PLXNC1: variants seen among roughly 807,000 people sequenced by gnomAD.
The protein encoded by PLXNC1 is plexin-C1.
PLXNC1 carries 75 observed loss-of-function variants against 178.2 expected under a neutral mutation model. The observed-to-expected ratio is 0.42, with a 90% CI of 0.35 to 0.51. The LOEUF (loss-of-function observed/expected upper bound fraction) is 0.51, where lower values mean the gene tolerates loss of function less well. Ranked by LOEUF, PLXNC1 falls within the 20% of genes least tolerant of loss-of-function variation. The pLI is 0.02. For missense variants in PLXNC1, 1,503 were observed against 1,984.4 expected (o/e 0.76, Z 4.61); for synonymous variants, 790 against 779.9 (o/e 1.01, Z -0.22).
intron 21 of PLXNC1, among the ~76,000 whole-genome samples, chr12:94,269,850 G>T (rs1004339787): frequency 6.6e-6 from 1 of 152,172 alleles, no homozygotes; most frequent in Non-Finnish European, 1.5e-5. Flanking sequence ...TGATCAAAGA[G>T]TGAAACCACT....
At chr12:94,267,655 C>T (rs1228082966) in intron 21 of PLXNC1, among the ~76,000 whole-genome samples, 2 of 152,188 alleles carry the variant, frequency 1.3e-5, no homozygotes, top group Middle Eastern at 3.2e-3. Flanking sequence ...GGGCCTGGCC[C>T]AGCCCCCCTT....
Position 94,227,247 on chromosome 12 carries a change from T to G in PLXNC1, c.1980+12T>G, listed in dbSNP as rs1214618361. On this transcript the variant is annotated intron_variant, in intron 9 of 30. Transcript: ENST00000258526. ...ACCAGGCTTTACAGGTCAGACCCTA[T>G]TTTTGTGTGGTTGAGGGGAAAACCT... The G allele has an allele frequency of 1.9e-6, 3 of 1,553,106 alleles. No individual in the cohort carries two copies. Among genetic ancestry groups the G allele is most frequent in the Non-Finnish European group, 1.8e-6 (2 of 1,124,772 alleles).
intron 17 of PLXNC1, chr12:94,256,399 G>A (rs914408412): frequency 2.0e-5 from 3 of 152,164 alleles, no homozygotes; most frequent in African/African-American, 7.2e-5. Context: ...CCAAGCCTTA[G>A]TGTTATAAAT....
intron 23 of PLXNC1, among the ~76,000 whole-genome samples, chr12:94,285,166 C>A (rs767874385): frequency 1.3e-5 from 2 of 152,146 alleles, no homozygotes; most frequent in Non-Finnish European, 2.9e-5. Flanking sequence ...CTAGAGAAGA[C>A]AGGAGGAGGA....
chr12:94,218,049 C>G (rs112213435), intron 5 of PLXNC1, among the ~76,000 whole-genome samples: 1 of 152,108 alleles, frequency 6.6e-6, no homozygotes, highest in Non-Finnish European at 1.5e-5. Flanking sequence ...CTTGTTATAA[C>G]GTTTGAGTGT....
chr12:94,302,734 C>A (rs1968587512), intron 28 of PLXNC1, among the ~76,000 whole-genome samples: 1 of 152,068 alleles, frequency 6.6e-6, no homozygotes. Flanking sequence ...CTGATTTGTC[C>A]AACTCTTTCT....
intron 15 of PLXNC1, among the ~76,000 whole-genome samples, chr12:94,252,199 C>A: frequency 6.6e-6 from 1 of 152,138 alleles, no homozygotes. Flanking sequence ...GTTATTTCAT[C>A]TTGACCACCC....
chr12:94,303,981 A>G lies in PLXNC1; in HGVS notation c.4532A>G (p.His1511Arg). The G allele has an allele frequency of 6.2e-7, 1 of 1,604,514 alleles. No individual in the cohort carries two copies. The highest frequency in any genetic ancestry group is 8.5e-7 in the Non-Finnish European group (1 of 1,172,016). ...CTCAACAAGTCTTTCTTTTAGAAACATGAAAATGAATTTAATGAAGAAGTG... is the reference window on the plus strand; with the variant it reads ...CTCAACAAGTCTTTCTTTTAGAAACGTGAAAATGAATTTAATGAAGAAGTG... ...EEFLTQESKK[H>R]ENEFNEEVAL... The change falls in exon 30 of 31, where the codon CAT becomes CGT. Residue 1511 changes from histidine to arginine, a missense_variant. Physicochemically the swap from His to Arg is conservative, Grantham distance 29. Around this residue, in one of 4 missense-constraint regions of PLXNC1, gnomAD observed 639 missense variants for 979.7 expected, o/e 0.65. Transcript: ENST00000258526.
chr12:94,156,109 T>A (rs1428516289), intron 1 of PLXNC1, among the ~76,000 whole-genome samples: 3 of 152,218 alleles, frequency 2.0e-5, no homozygotes, highest in African/African-American at 7.2e-5. Context: ...TAAATAGTGA[T>A]CCTCTTGGTT....
intron 2 of PLXNC1, among the ~76,000 whole-genome samples, chr12:94,177,215 GTGTGTATATATATACATATA>G (rs1565794494): frequency 3.5e-5 from 2 of 56,388 alleles, no homozygotes; most frequent in African/African-American, 2.7e-4. Flanking sequence ...ATATATATGT[GTGTGTATATATATACATATA>G]TATATATATA....
rs67648319 is a variant in PLXNC1, at chr12:94,303,749, T to TCC, written c.4387-4_4387-3dup. ...GATGGTTGCTTTTTTTTTTTTTTTT[T>TCC]CCCCAGGAAGCACCAACTAATAAGC... On this transcript the variant is annotated splice_polypyrimidine_tract_variant and splice_region_variant and intron_variant, in intron 28 of 30. Coordinates refer to ENST00000258526, the MANE Select transcript of PLXNC1 (RefSeq NM_005761.3). 262 of 1,344,566 alleles carry TCC rather than the reference T, an allele frequency of 1.9e-4. No homozygotes were observed. Among genetic ancestry groups the TCC allele is most frequent in the African/African-American group, 1.9e-3 (120 of 62,920 alleles). 83.3% of individuals were successfully genotyped at this position (1,344,566 alleles called of 1,614,324 possible).
At position 94,224,288 on chromosome 12, in the gene PLXNC1, A is replaced by G. The variant is rs1344392186; in HGVS notation, c.1763A>G (p.Asn588Ser). ...TCTTGGAATTTATCAGACAGATTCAACTTTACCAACTGCTCATCATTAAAA... is the reference window on the plus strand; with the variant it reads ...TCTTGGAATTTATCAGACAGATTCAGCTTTACCAACTGCTCATCATTAAAA... ...FGSWNLSDRF[N>S]FTNCSSLKEC... Residue 588 changes from asparagine (N) to serine (S), a missense_variant, in exon 7 of 31, where the codon AAC becomes AGC. Transcript: ENST00000258526. 1 of 1,568,114 alleles carries G rather than the reference A, an allele frequency of 6.4e-7. No individual in the cohort carries two copies.
At chr12:94,266,858 T>C (rs1231743200) in intron 21 of PLXNC1, among the ~76,000 whole-genome samples, 1 of 152,248 alleles carries the variant, frequency 6.6e-6, no homozygotes, top group Non-Finnish European at 1.5e-5. Context: ...CAGATCTCAT[T>C]GAACCCTTGT....
At chr12:94,235,547 GA>G (rs1592794128) in intron 9 of PLXNC1, among the ~76,000 whole-genome samples, 1 of 151,830 alleles carries the variant, frequency 6.6e-6, no homozygotes, top group South Asian at 2.1e-4. Context: ...CATAAAAAAA[GA>G]AAAAAAATTC....
intron 5 of PLXNC1, among the ~76,000 whole-genome samples, chr12:94,216,768 G>A (rs1469983639): frequency 1.3e-5 from 2 of 152,162 alleles, no homozygotes; most frequent in Non-Finnish European, 2.9e-5. Context: ...AAGATATGTC[G>A]ATCTGATAAG....
intron 21 of PLXNC1, among the ~76,000 whole-genome samples, chr12:94,269,071 A>G (rs928913005): frequency 5.3e-5 from 8 of 152,180 alleles, no homozygotes; most frequent in African/African-American, 1.9e-4. Context: ...CATTTGCTTC[A>G]CTTTCAGGAA....
Position 94,169,189 on chromosome 12 carries a change from G to T in PLXNC1, c.1099G>T (p.Ala367Ser), listed in dbSNP as rs779819475. The change falls in exon 2 of 31, where the codon GCA becomes TCA. Residue 367 changes from alanine (A) to serine (S), a missense_variant. Physicochemically the swap from Ala to Ser is moderately conservative, Grantham distance 99 (BLOSUM62 1). Around this residue, in one of 4 missense-constraint regions of PLXNC1, gnomAD observed 615 missense variants for 698.6 expected, o/e 0.88. Coordinates refer to ENST00000258526, the MANE Select transcript of PLXNC1 (RefSeq NM_005761.3). ...TCAACCTGAAAGAGTCCAACCAATC[G>T]CATCATCTACCTTGATCCATTCCGA... ...GDQPERVQPI[A>S]SSTLIHSDLT... 1.2e-6 allele frequency: 2 copies of T among 1,613,612 alleles called. No homozygotes were observed. Among genetic ancestry groups the T allele is most frequent in the East Asian group, 2.2e-5 (1 of 44,884 alleles).
At chr12:94,236,489 A>G (rs1300080175) in intron 9 of PLXNC1, among the ~76,000 whole-genome samples, 1 of 152,218 alleles carries the variant, frequency 6.6e-6, no homozygotes, top group African/African-American at 2.4e-5. Flanking sequence ...GACATCACGG[A>G]GTTCTCCCAG....
chr12:94,284,598 A>C (rs1966708825), intron 23 of PLXNC1, among the ~76,000 whole-genome samples: 1 of 151,996 alleles, frequency 6.6e-6, no homozygotes, highest in Admixed American at 6.6e-5. Context: ...CAGTCCTACG[A>C]GATAGGTACT....
Sources: allele counts gnomAD v4.1 joint callset (sites outside exome capture counted in the v4.1 genomes callset), GRCh38; gene constraint gnomAD v4.1.1; regional missense constraint gnomAD v4.1.1; transcripts MANE v1.5; gene names NCBI Gene and HGNC (gene_info 2026-07-23, HGNC 2026-07-21).